OR4D1: variants seen among roughly 807,000 people sequenced by gnomAD.
OR4D1 encodes the protein olfactory receptor 4D1.
A neutral mutation model predicts 14.2 loss-of-function variants in OR4D1; 10 were observed. The ratio of observed to expected loss-of-function variants is 0.71; its 90% CI spans 0.44 to 1.20. The LOEUF (loss-of-function observed/expected upper bound fraction) is 1.20, where lower values mean the gene tolerates loss of function less well. Among genes scored for constraint, OR4D1 ranks in the 50% most tolerant of loss-of-function variants. The pLI is 0.00. For synonymous variants in OR4D1, 141 were observed against 147.4 expected (o/e 0.96, Z 0.32); for missense variants, 345 against 376.6 (o/e 0.92, Z 0.70).
intron 2 of OR4D1, among the ~76,000 whole-genome samples, chr17:58,150,394 C>T (rs752986760): frequency 6.6e-6 from 1 of 152,110 alleles, no homozygotes; most frequent in Non-Finnish European, 1.5e-5. Context: ...CTTGGAGGCC[C>T]ACAGCAATAA....
In OR4D1 at chr17:58,157,609, A is replaced by T; in HGVS notation, c.*1523A>T. On this transcript the variant is annotated 3_prime_UTR_variant, in exon 4 of 4. Coordinates refer to ENST00000268912, the MANE Select transcript of OR4D1 (RefSeq NM_001386095.1). ...CCAAGACGAAAAGACTGCAGGAGTC[A>T]GAACTGGAAAAGCTGAAAATGGCTG... The T allele has an allele frequency of 3.7e-6, 6 of 1,613,750 alleles. No homozygotes were observed. In the South Asian group the frequency reaches 5.5e-5, roughly 15 times the overall value.
chr17:58,150,024 G>A (rs1030985558), intron 2 of OR4D1, among the ~76,000 whole-genome samples: 43 of 152,190 alleles, frequency 2.8e-4, no homozygotes, highest in African/African-American at 9.4e-4. Flanking sequence ...AAAATATTTA[G>A]TATAGTGTCT....
chr17:58,155,048 T>G, intron 3 of OR4D1, 87 bp from the exon 4 acceptor site: 5 of 901,020 alleles, frequency 5.5e-6, no homozygotes, highest in Non-Finnish European at 8.6e-6. Context: ...CAACTCAACT[T>G]AATCAACTCA....
rs1327952008 is a variant in OR4D1, at chr17:58,155,332, A to G, written c.179A>G (p.Tyr60Cys). The G allele has an allele frequency of 6.2e-7, 1 of 1,613,940 alleles. No individual in the cohort carries two copies. Among genetic ancestry groups the G allele is most frequent in the Non-Finnish European group, 8.5e-7 (1 of 1,180,038 alleles). The change falls in exon 4 of 4, where the codon TAT (tyrosine) becomes TGT (cysteine). Residue 60 changes from tyrosine to cysteine, a missense_variant. Transcript: ENST00000268912. ...TFDCRLHTPM[Y>C]FLLRNLALID... ...GACTGCCGGCTCCACACACCCATGT[A>G]TTTTCTGCTCCGAAATCTAGCTCTC...
chr17:58,152,406 G>T (rs1967713835), intron 2 of OR4D1, among the ~76,000 whole-genome samples: 1 of 152,174 alleles, frequency 6.6e-6, no homozygotes, highest in Non-Finnish European at 1.5e-5. Context: ...ATCAAAACTA[G>T]AGTATCTCTG....
rs117470364 is a variant in OR4D1, at chr17:58,158,963, T to C, written c.*2877T>C. On this transcript the variant is annotated 3_prime_UTR_variant, in exon 4 of 4. Transcript: ENST00000268912. ...TTGCCAAACAGCCCATTAAGCTCCCTGGTATTTCACCTTCCTCTCCATCTC... is the reference window on the plus strand; with the variant it reads ...TTGCCAAACAGCCCATTAAGCTCCCCGGTATTTCACCTTCCTCTCCATCTC... 0.02 allele frequency: 2,985 copies of C among 152,362 alleles called. 40 individuals carry two copies. Among genetic ancestry groups the C allele is most frequent in the Admixed American group, 0.029 (445 of 15,300 alleles). The allele number at this position is 152,362 out of a possible 1,614,324, so 9.4% of individuals were successfully genotyped here. A position where few individuals can be genotyped will look rare whatever the true frequency, so the allele number is the denominator to read the frequency against.
rs1319892259 is a variant in OR4D1 at position 58,155,737 on chromosome 17, T to C, written c.584T>C (p.Leu195Pro). The change falls in exon 4 of 4, where the codon CTG becomes CCG. Residue 195 changes from leucine (L) to proline (P), a missense_variant. Transcript: ENST00000268912. Reference protein sequence around the residue: ...LRLACTDTSLLEFLMISNSGL... With the variant: ...LRLACTDTSLPEFLMISNSGL... Reference sequence around the variant, plus strand: ...CTTGCCTGCACTGATACCTCCCTCCTGGAGTTCCTCATGATCTCCAACAGT... The same window carrying C: ...CTTGCCTGCACTGATACCTCCCTCCCGGAGTTCCTCATGATCTCCAACAGT... The C allele has an allele frequency of 1.2e-6, 2 of 1,614,160 alleles. No individual in the cohort carries two copies. The highest frequency in any genetic ancestry group is 1.7e-5 in the Admixed American group (1 of 60,026).
In OR4D1 at chr17:58,157,723, G is replaced by T. The variant is rs1342750031; in HGVS notation, c.*1637G>T. The T allele has an allele frequency of 6.2e-7, 1 of 1,613,656 alleles. No homozygotes were observed. The highest frequency in any genetic ancestry group is 8.5e-7 in the Non-Finnish European group (1 of 1,179,772). On this transcript the variant is annotated 3_prime_UTR_variant, in exon 4 of 4. Transcript: ENST00000268912. Reference sequence around the variant, plus strand: ...CGTCCATATACGCAGCATCCTACCCGTTCCATAGACCTGTGCTTCCCATCC... The same window carrying T: ...CGTCCATATACGCAGCATCCTACCCTTTCCATAGACCTGTGCTTCCCATCC...
intron 3 of OR4D1, 52 bp from the exon 4 acceptor site, chr17:58,155,083 T>C (rs549032231): frequency 1.2e-5 from 15 of 1,228,718 alleles, no homozygotes; most frequent in Middle Eastern, 2.0e-4. Context: ...AGGAAAATGA[T>C]TGAATTTTCA....
intron 3 of OR4D1, 38 bp from the exon 4 acceptor site, chr17:58,155,097 T>C (rs1967748116): frequency 1.6e-6 from 2 of 1,234,164 alleles, no homozygotes; most frequent in South Asian, 2.8e-5. Context: ...ATTTTCATTT[T>C]TTTTGTTTGT....
In OR4D1 at chr17:58,157,774, A is replaced by C; in HGVS notation, c.*1688A>C. Reference sequence around the variant, plus strand: ...CGCCCGTGGGACTCTATGCCACGCCAGTGGGATATGGCATGTACCACCTGT... The same window carrying C: ...CGCCCGTGGGACTCTATGCCACGCCCGTGGGATATGGCATGTACCACCTGT... On this transcript the variant is annotated 3_prime_UTR_variant, in exon 4 of 4. Coordinates refer to ENST00000268912, the MANE Select transcript of OR4D1 (RefSeq NM_001386095.1). The C allele has an allele frequency of 6.2e-7, 1 of 1,610,882 alleles. No homozygotes were observed. Among genetic ancestry groups the C allele is most frequent in the Admixed American group, 1.7e-5 (1 of 60,010 alleles).
chr17:58,157,094 G>A lies in OR4D1; in HGVS notation c.*1008G>A, dbSNP rs1967786258. On this transcript the variant is annotated 3_prime_UTR_variant, in exon 4 of 4. Coordinates refer to ENST00000268912, the MANE Select transcript of OR4D1 (RefSeq NM_001386095.1). ...CAGGTCCGGGGCCTGGGGACGCCGA[G>A]GCGGCCGCGGAGGAGCGCCGCGTCA... 1 of 1,462,000 alleles carries A rather than the reference G, an allele frequency of 6.8e-7. No individual in the cohort carries two copies. The highest frequency in any genetic ancestry group is 9.1e-7 in the Non-Finnish European group (1 of 1,098,608). 90.6% of individuals were successfully genotyped at this position (1,462,000 alleles called of 1,614,324 possible).
chr17:58,155,879 C>T lies in OR4D1; in HGVS notation c.726C>T (p.Thr242=). The change falls in exon 4 of 4, where the codon ACC becomes ACT. Residue 242 remains threonine, a synonymous_variant. Transcript: ENST00000268912. ...GGAAGGCAGCTTCCACCTGCACCACCCACATCATCGTGGTGTCCATGATCT... is the reference window on the plus strand; with the variant it reads ...GGAAGGCAGCTTCCACCTGCACCACTCACATCATCGTGGTGTCCATGATCT... ...ARRKAASTCT[T]HIIVVSMIFI... is the part of the protein sequence containing the mutation. 1 of 1,614,096 alleles carries T rather than the reference C, an allele frequency of 6.2e-7. No individual in the cohort carries two copies. Among genetic ancestry groups the T allele is most frequent in the Non-Finnish European group, 8.5e-7 (1 of 1,179,976 alleles).
chr17:58,157,886 A>G lies in OR4D1; in HGVS notation c.*1800A>G, dbSNP rs1206513561. 3 of 1,346,906 alleles carry G rather than the reference A, an allele frequency of 2.2e-6. No homozygotes were observed. Among genetic ancestry groups the G allele is most frequent in the African/African-American group, 2.8e-5 (2 of 70,190 alleles). The allele number at this position is 1,346,906 out of a possible 1,614,324, so 83.4% of individuals were successfully genotyped here. A position where few individuals can be genotyped will look rare whatever the true frequency, so the allele number is the denominator to read the frequency against. ...CCTCTCCAAGAAGGCAGGACCAGCC[A>G]ATACTCCTGTTCTGCAAACCCTGAG... is the stretch of plus-strand genomic sequence containing the variant. On this transcript the variant is annotated 3_prime_UTR_variant, in exon 4 of 4. Transcript: ENST00000268912.
At position 58,158,026 on chromosome 17, in the gene OR4D1, T is replaced by C. The variant is rs1967800708; in HGVS notation, c.*1940T>C. 4 of 371,462 alleles carry C rather than the reference T, an allele frequency of 1.1e-5. No individual in the cohort carries two copies. Among genetic ancestry groups the C allele is most frequent in the Non-Finnish European group, 1.9e-5 (4 of 206,964 alleles). 23.0% of individuals were successfully genotyped at this position (371,462 alleles called of 1,614,324 possible). A position where few individuals can be genotyped will look rare whatever the true frequency, so the allele number is the denominator to read the frequency against. On this transcript the variant is annotated 3_prime_UTR_variant, in exon 4 of 4. Coordinates refer to ENST00000268912, the MANE Select transcript of OR4D1 (RefSeq NM_001386095.1). ...GTGTAATCTTCCAGGTGCCCCCTTC[T>C]CCTTTCACAAAGATTGGCTCTGATG... is the stretch of plus-strand genomic sequence containing the variant.
rs746775185 is a variant in OR4D1, at chr17:58,155,756, C to T, written c.603C>T (p.Ser201=). ...DTSLLEFLMI[S]NSGLLVIIWF... ...CCCTCCTGGAGTTCCTCATGATCTCCAACAGTGGGCTGCTAGTTATCATCT... is the reference window on the plus strand; with the variant it reads ...CCCTCCTGGAGTTCCTCATGATCTCTAACAGTGGGCTGCTAGTTATCATCT... Residue 201 remains serine (S), a synonymous_variant, in exon 4 of 4, where the codon TCC becomes TCT. Coordinates refer to ENST00000268912, the MANE Select transcript of OR4D1 (RefSeq NM_001386095.1). The T allele has an allele frequency of 3.1e-6, 5 of 1,614,130 alleles. No individual in the cohort carries two copies. Among genetic ancestry groups the T allele is most frequent in the East Asian group, 2.2e-5 (1 of 44,886 alleles).
intron 1 of OR4D1, among the ~76,000 whole-genome samples, chr17:58,149,001 A>G (rs1365914037): frequency 6.6e-6 from 1 of 152,000 alleles, no homozygotes; most frequent in Non-Finnish European, 1.5e-5. Flanking sequence ...GTTTAACAAT[A>G]CCTGTTAATG....
rs3863502 is a variant in OR4D1 at position 58,156,138 on chromosome 17, C to T, written c.*52C>T. On this transcript the variant is annotated 3_prime_UTR_variant, in exon 4 of 4. Coordinates refer to ENST00000268912, the MANE Select transcript of OR4D1 (RefSeq NM_001386095.1). ...CAAATTTCTCTGGATTTTTATTTTC[C>T]CACATGAAAAATGGAGGAAAGTCTT... is the stretch of plus-strand genomic sequence containing the variant. 244,713 of 1,230,014 alleles carry T rather than the reference C, an allele frequency of 0.2. 25,878 individuals are homozygous for T. The highest frequency in any genetic ancestry group is 0.33 in the African/African-American group (21,480 of 65,376). 76.2% of individuals were successfully genotyped at this position (1,230,014 alleles called of 1,614,324 possible). A position where few individuals can be genotyped will look rare whatever the true frequency, so the allele number is the denominator to read the frequency against.
Position 58,155,940 on chromosome 17 carries a change from A to C in OR4D1, c.787A>C (p.Thr263Pro). Residue 263 changes from threonine to proline, a missense_variant, in exon 4 of 4, where the codon ACC becomes CCC. Coordinates refer to ENST00000268912, the MANE Select transcript of OR4D1 (RefSeq NM_001386095.1). ...PCIYIYTWPF[T>P]PFLMDKAVSI... is the part of the protein sequence containing the mutation. The stretch of plus-strand genomic sequence containing the variant: ...TATCTATATCTATACCTGGCCCTTC[A>C]CCCCATTCCTCATGGACAAGGCTGT... 1 of 1,613,662 alleles carries C rather than the reference A, an allele frequency of 6.2e-7. No homozygotes were observed. The highest frequency in any genetic ancestry group is 1.3e-5 in the African/African-American group (1 of 74,810).
Sources: allele counts gnomAD v4.1 joint callset (sites outside exome capture counted in the v4.1 genomes callset), GRCh38; gene constraint gnomAD v4.1.1; transcripts MANE v1.5; gene names NCBI Gene and HGNC (gene_info 2026-07-23, HGNC 2026-07-21).